Variants in UNC13C observed in about 807,000 individuals in gnomAD.
UNC13C encodes unc-13 homolog C.
UNC13C carries 174 observed loss-of-function variants against 245.4 expected under a neutral mutation model. The observed-to-expected ratio is 0.71, with a 90% CI of 0.63 to 0.80. UNC13C has a LOEUF of 0.80. Ranked by LOEUF, UNC13C falls within the 30% of genes least tolerant of loss-of-function variation. The pLI, the probability that UNC13C is intolerant of heterozygous loss-of-function variation, is 0.00. For missense variants in UNC13C, 2,829 were observed against 2,602.9 expected, an observed-to-expected ratio of 1.09 and a Z score of -1.89; for synonymous variants, 992 against 895.1, an observed-to-expected ratio of 1.11 and a Z score of -1.93.
intron 13 of UNC13C, among the ~76,000 whole-genome samples, chr15:54,317,297 T>A (rs556520278): frequency 5.5e-4 from 84 of 152,096 alleles, no homozygotes; most frequent in African/African-American, 2.0e-3. Flanking sequence ...TTAAACTATA[T>A]AACTCAAGAC....
chr15:54,049,157 A>ATC (rs1595767657), intron 2 of UNC13C: 1 of 413,378 alleles, frequency 2.4e-6, no homozygotes, highest in East Asian at 6.2e-5. Context: ...GCTTTCCATC[A>ATC]TCTAATAGTT....
At position 54,503,509 on chromosome 15, in the gene UNC13C, C is replaced by A. The variant is rs1200716048; in HGVS notation, c.5301+2531C>A. Among the ~76,000 whole-genome samples the A allele has an allele frequency of 4.0e-5, 6 of 150,986 alleles. No homozygotes were observed. The South Asian group carries it at 8.4e-4, about 21-fold the overall frequency. ...GCAGTGGCACAATCTCCGCTCACTGCAACCTTCACCTCCCGGGTTCAAGTG... is the reference window on the plus strand; with the variant it reads ...GCAGTGGCACAATCTCCGCTCACTGAAACCTTCACCTCCCGGGTTCAAGTG... On this transcript the variant is annotated intron_variant, in intron 22 of 32. Coordinates refer to ENST00000260323, the MANE Select transcript of UNC13C (RefSeq NM_001080534.3).
At position 54,013,565 on chromosome 15, in the gene UNC13C, C is replaced by G; in HGVS notation, c.662C>G (p.Pro221Arg). ...TCTTTGGACAGAACTGTCCGAAACCCAAAGACAAATGCCCTGGAGCCAGGG... is the reference window on the plus strand; with the variant it reads ...TCTTTGGACAGAACTGTCCGAAACCGAAAGACAAATGCCCTGGAGCCAGGG... ...SKSLDRTVRNPKTNALEPGFS... is the reference protein window; with the variant it reads ...SKSLDRTVRNRKTNALEPGFS... Residue 221 changes from proline to arginine, a missense_variant, in exon 2 of 33, where the codon CCA becomes CGA. Pro to Arg is a moderately radical substitution (Grantham distance 103). Coordinates refer to ENST00000260323, the MANE Select transcript of UNC13C (RefSeq NM_001080534.3). The G allele has an allele frequency of 1.2e-6, 2 of 1,613,736 alleles. No individual in the cohort carries two copies. The highest frequency in any genetic ancestry group is 1.7e-6 in the Non-Finnish European group (2 of 1,179,798).
At chr15:54,073,665 C>T (rs1399580464) in intron 2 of UNC13C, among the ~76,000 whole-genome samples, 3 of 151,948 alleles carry the variant, frequency 2.0e-5, no homozygotes, top group African/African-American at 7.2e-5. Flanking sequence ...TGTTTATTGG[C>T]TGCATAAATG....
the UNC13C span, among the ~76,000 whole-genome samples, chr15:53,874,939 C>G: frequency 6.6e-6 from 1 of 151,988 alleles, no homozygotes. Context: ...ACTAAAAATA[C>G]AAAAATTAGC....
intron 2 of UNC13C, among the ~76,000 whole-genome samples, chr15:54,057,607 G>A (rs1897595488): frequency 6.6e-6 from 1 of 152,080 alleles, no homozygotes. Context: ...TGCACCAAGT[G>A]GACCTAATAG....
intron 19 of UNC13C, among the ~76,000 whole-genome samples, chr15:54,441,807 C>T (rs76912629): frequency 0.03 from 4,509 of 151,886 alleles, 179 homozygotes; most frequent in Admixed American, 0.12. Context: ...AATATTTCTT[C>T]TTCTAATCCA....
At chr15:54,108,379 G>A (rs1339782957) in intron 2 of UNC13C, among the ~76,000 whole-genome samples, 1 of 152,040 alleles carries the variant, frequency 6.6e-6, no homozygotes, top group Non-Finnish European at 1.5e-5. Context: ...AGTAGAGACG[G>A]GGTTTCACCG....
At chr15:53,932,523 G>C in the UNC13C span, among the ~76,000 whole-genome samples, 10 of 152,082 alleles carry the variant, frequency 6.6e-5, no homozygotes. Context: ...AAATGAACAA[G>C]GGAATGCTTT....
chr15:54,037,282 A>C (rs1566965784), intron 2 of UNC13C, among the ~76,000 whole-genome samples: 1 of 152,244 alleles, frequency 6.6e-6, no homozygotes, highest in Non-Finnish European at 1.5e-5. Context: ...GGTTTAAAGT[A>C]GGTGCTTCAC....
rs1049339113 is a variant in UNC13C at position 54,488,766 on chromosome 15, T to A, written c.4934-5842T>A. Among the ~76,000 whole-genome samples, 7 of 152,196 alleles carry A rather than the reference T, an allele frequency of 4.6e-5. No homozygotes were observed. In the East Asian group the frequency reaches 1.3e-3, roughly 29 times the overall value. The stretch of plus-strand genomic sequence containing the variant: ...TTATTCTGGTAGTAAAATATTCACA[T>A]TTCTCATTGAAATTCAAAGATTAAA... On this transcript the variant is annotated intron_variant, in intron 19 of 32. Coordinates refer to ENST00000260323, the MANE Select transcript of UNC13C (RefSeq NM_001080534.3).
At chr15:53,886,977 C>T in the UNC13C span, among the ~76,000 whole-genome samples, 5 of 152,102 alleles carry the variant, frequency 3.3e-5, no homozygotes, top group African/African-American at 1.2e-4. Flanking sequence ...GAGAAACTGT[C>T]ACAGCCAAGA....
intron 2 of UNC13C, among the ~76,000 whole-genome samples, chr15:54,086,206 T>TC (rs953352317): frequency 1.2e-4 from 18 of 152,204 alleles, no homozygotes; most frequent in African/African-American, 4.1e-4. Context: ...TTAACCAGTC[T>TC]CTCCTCCTCC....
chr15:53,895,667 A>G, the UNC13C span, among the ~76,000 whole-genome samples: 1 of 152,186 alleles, frequency 6.6e-6, no homozygotes, highest in African/African-American at 2.4e-5. Flanking sequence ...ATAGCTGAAG[A>G]ATGAATAGTG....
chr15:54,616,234 C>G (rs1213469335), intron 30 of UNC13C, among the ~76,000 whole-genome samples: 1 of 151,896 alleles, frequency 6.6e-6, no homozygotes, highest in Non-Finnish European at 1.5e-5. Context: ...AGTTTAAAGT[C>G]CAGAAAGCCA....
chr15:53,913,111 C>T, the UNC13C span: 2 of 152,188 alleles, frequency 1.3e-5, no homozygotes, highest in African/African-American at 4.8e-5. Context: ...TGCATAGCCC[C>T]ACCATATGTC....
At chr15:54,066,480 A>G (rs1260889069) in intron 2 of UNC13C, among the ~76,000 whole-genome samples, 1 of 152,178 alleles carries the variant, frequency 6.6e-6, no homozygotes, top group Non-Finnish European at 1.5e-5. Flanking sequence ...CAAATTCAAT[A>G]TCATCTGTGC....
chr15:54,053,186 T>C (rs1164860309), intron 2 of UNC13C, among the ~76,000 whole-genome samples: 4 of 64,940 alleles, frequency 6.2e-5, no homozygotes, highest in African/African-American at 1.2e-4. Flanking sequence ...GGCCAATTTA[T>C]TTTTTATTTT....
At chr15:54,487,454 A>G (rs1425055168) in intron 19 of UNC13C, among the ~76,000 whole-genome samples, 1 of 152,068 alleles carries the variant, frequency 6.6e-6, no homozygotes, top group Non-Finnish European at 1.5e-5. Flanking sequence ...CTCCAAAGTC[A>G]TTGATTCTAA....
Sources: allele counts gnomAD v4.1 joint callset (sites outside exome capture counted in the v4.1 genomes callset), GRCh38; gene constraint gnomAD v4.1.1; transcripts MANE v1.5; gene names NCBI Gene and HGNC (gene_info 2026-07-23, HGNC 2026-07-21).